Variants in ADAMTS17 observed in about 807,000 individuals in gnomAD.
ADAMTS17 encodes the protein A disintegrin and metalloproteinase with thrombospondin motifs 17.
A neutral mutation model predicts 141.5 loss-of-function variants in ADAMTS17; 113 were observed. The observed-to-expected ratio is 0.80, with a 90% confidence interval of 0.69 to 0.93. ADAMTS17 has a LOEUF of 0.93. Among genes scored for constraint, ADAMTS17 ranks in the 40% least tolerant of loss-of-function variants. The probability of loss-of-function intolerance (pLI) is 0.00; values close to 1 mark genes in which losing one functional copy is unlikely to be tolerated. For missense variants in ADAMTS17, 1,659 were observed against 1,517.9 expected, an observed-to-expected ratio of 1.09 and a Z score of -1.54; for synonymous variants, 768 against 630.6, an observed-to-expected ratio of 1.22 and a Z score of -3.27.
At chr15:99,979,138 C>G (rs1027306197) in intron 20 of ADAMTS17, 1 of 152,250 alleles carries the variant, frequency 6.6e-6, no homozygotes, top group East Asian at 1.9e-4. Context: ...CGCCTGTAAT[C>G]CCAGCACATT....
intron 8 of ADAMTS17, among the ~76,000 whole-genome samples, chr15:100,182,622 A>G (rs2040564574): frequency 6.6e-6 from 1 of 152,148 alleles, no homozygotes; most frequent in African/African-American, 2.4e-5. Flanking sequence ...TGAAGTTAAA[A>G]CTAGGTACTG....
intron 12 of ADAMTS17, among the ~76,000 whole-genome samples, chr15:100,119,387 T>G (rs2037335394): frequency 2.0e-5 from 3 of 152,130 alleles, no homozygotes; most frequent in Non-Finnish European, 2.9e-5. Context: ...AAACACGGAC[T>G]GGAAGGGAGT....
At chr15:100,054,576 C>T (rs112954456) in intron 15 of ADAMTS17, among the ~76,000 whole-genome samples, 1 of 152,210 alleles carries the variant, frequency 6.6e-6, no homozygotes, top group African/African-American at 2.4e-5. Flanking sequence ...CTGATATCCC[C>T]CCATTACTAA....
intron 15 of ADAMTS17, among the ~76,000 whole-genome samples, chr15:100,068,360 T>C (rs938045494): frequency 6.6e-6 from 1 of 152,154 alleles, no homozygotes; most frequent in Non-Finnish European, 1.5e-5. Context: ...AGCAGTAACC[T>C]CTGCAGACTT....
rs934856094 is a variant in ADAMTS17 at position 100,085,828 on chromosome 15, C to A, written c.2137+10528G>T. Among the ~76,000 whole-genome samples the A allele has an allele frequency of 5.3e-5, 8 of 152,140 alleles. No homozygotes were observed. The South Asian group carries it at 1.2e-3, about 24-fold the overall frequency. On this transcript the variant is annotated intron_variant, in intron 15 of 21. Coordinates refer to ENST00000268070, the MANE Select transcript of ADAMTS17 (RefSeq NM_139057.4). ...TTTTGTCACCACCAGGCCTGCCCTA[C>A]AAGAGCTCTTGAAGGAAGCACTAAA...
intron 20 of ADAMTS17, among the ~76,000 whole-genome samples, chr15:99,990,848 A>C (rs933698268): frequency 6.6e-6 from 1 of 152,150 alleles, no homozygotes; most frequent in African/African-American, 2.4e-5. Flanking sequence ...TTTCAAATGA[A>C]ATTTCAGAAA....
chr15:100,094,421 T>A (rs2035642403), intron 15 of ADAMTS17, among the ~76,000 whole-genome samples: 1 of 152,250 alleles, frequency 6.6e-6, no homozygotes, highest in Non-Finnish European at 1.5e-5. Flanking sequence ...GACATTACTG[T>A]GGCCAGATGA....
At chr15:100,062,145 C>T (rs1317697762) in intron 15 of ADAMTS17, among the ~76,000 whole-genome samples, 3 of 152,188 alleles carry the variant, frequency 2.0e-5, no homozygotes, top group Non-Finnish European at 4.4e-5. Context: ...GAGGAGAGTG[C>T]CAGGCGAGGC....
chr15:99,982,926 G>GA (rs142903370), intron 20 of ADAMTS17, among the ~76,000 whole-genome samples: 2 of 152,152 alleles, frequency 1.3e-5, no homozygotes, highest in Non-Finnish European at 2.9e-5. Context: ...GGTGTCACTG[G>GA]AAAAAACAGG....
intron 3 of ADAMTS17, among the ~76,000 whole-genome samples, chr15:100,295,667 T>TCTC (rs1303496832): frequency 6.6e-6 from 1 of 152,154 alleles, no homozygotes; most frequent in Non-Finnish European, 1.5e-5. Context: ...ATGATACCTA[T>TCTC]CTCCTGGGTT....
intron 7 of ADAMTS17, among the ~76,000 whole-genome samples, chr15:100,218,041 C>A (rs2042022433): frequency 6.6e-6 from 1 of 152,180 alleles, no homozygotes; most frequent in Non-Finnish European, 1.5e-5. Context: ...CCACCATGCC[C>A]AGCTAATTTT....
chr15:100,284,828 A>G (rs1028402387), intron 3 of ADAMTS17, among the ~76,000 whole-genome samples: 1 of 152,312 alleles, frequency 6.6e-6, no homozygotes, highest in East Asian at 1.9e-4. Flanking sequence ...GAAAAACACT[A>G]ATTTCAGAAT....
At chr15:100,278,037 G>A (rs774452463) in intron 4 of ADAMTS17, among the ~76,000 whole-genome samples, 1 of 152,170 alleles carries the variant, frequency 6.6e-6, no homozygotes, top group Non-Finnish European at 1.5e-5. Context: ...TAAGCCATTT[G>A]TCCACAAAAG....
chr15:100,165,720 T>C (rs1490070118), intron 8 of ADAMTS17, among the ~76,000 whole-genome samples: 1 of 152,200 alleles, frequency 6.6e-6, no homozygotes, highest in Non-Finnish European at 1.5e-5. Context: ...TGAAGATGTT[T>C]AGAATGATGC....
chr15:100,298,044 G>A (rs1006638235), intron 3 of ADAMTS17, among the ~76,000 whole-genome samples: 3 of 152,028 alleles, frequency 2.0e-5, no homozygotes, highest in Admixed American at 1.3e-4. Flanking sequence ...TGGGGGTGGG[G>A]GGTCTCAGTG....
At chr15:100,334,719 C>A (rs751619215) in intron 2 of ADAMTS17, among the ~76,000 whole-genome samples, 1 of 152,174 alleles carries the variant, frequency 6.6e-6, no homozygotes, top group African/African-American at 2.4e-5. Context: ...CCCCCGGTCC[C>A]GCCGCCTCCT....
intron 8 of ADAMTS17, among the ~76,000 whole-genome samples, chr15:100,173,366 C>T (rs557322924): frequency 6.6e-6 from 1 of 152,108 alleles, no homozygotes; most frequent in South Asian, 2.1e-4. Flanking sequence ...TGAGAGAGAA[C>T]AGTCGATTTA....
chr15:100,254,854 G>A (rs904173616), intron 6 of ADAMTS17, among the ~76,000 whole-genome samples: 1 of 152,172 alleles, frequency 6.6e-6, no homozygotes, highest in Non-Finnish European at 1.5e-5. Context: ...GGGGAGGCGG[G>A]GTGAAGGAGA....
At position 100,156,949 on chromosome 15, in the gene ADAMTS17, C is replaced by G. The variant is rs920236892; in HGVS notation, c.1182-1629G>C. Among the ~76,000 whole-genome samples the G allele has an allele frequency of 2.6e-5, 4 of 152,298 alleles. No individual in the cohort carries two copies. In the South Asian group the frequency reaches 8.3e-4, roughly 32 times the overall value. ...AAAGTGTTTCACACTTGAAACTGGG[C>G]AATTTTTAAAGGAAAGAGGTTTAAC... is the stretch of plus-strand genomic sequence containing the variant. On this transcript the variant is annotated intron_variant, in intron 8 of 21. Coordinates refer to ENST00000268070, the MANE Select transcript of ADAMTS17 (RefSeq NM_139057.4).
Sources: gnomAD v4.1 joint callset for allele counts (sites outside exome capture counted in the v4.1 genomes callset) on GRCh38, gnomAD v4.1.1 for gene constraint, MANE v1.5 for transcripts, NCBI Gene and HGNC (gene_info 2026-07-23, HGNC 2026-07-21) for gene names.